GHR: variants seen among roughly 807,000 people sequenced by gnomAD.
The protein encoded by GHR is GH receptor.
In GHR, 35 loss-of-function variants were observed where a neutral mutation model predicts 67.1. The ratio of observed to expected loss-of-function variants is 0.52; its 90% confidence interval spans 0.40 to 0.69. GHR has a LOEUF of 0.69. Among genes scored for constraint, GHR ranks in the 30% least tolerant of loss-of-function variants. The pLI, the probability that GHR is intolerant of heterozygous loss-of-function variation, is 0.00. For missense variants in GHR, 792 were observed against 764.6 expected (o/e 1.04, Z -0.42); for synonymous variants, 272 against 269.1 (o/e 1.01, Z -0.10).
At chr5:42,531,848 G>A (rs1702045808) in intron 1 of GHR, among the ~76,000 whole-genome samples, 1 of 151,968 alleles carries the variant, frequency 6.6e-6, no homozygotes, top group African/African-American at 2.4e-5. Flanking sequence ...CCAAAGTCTT[G>A]GTTTATGTGT....
intron 2 of GHR, among the ~76,000 whole-genome samples, chr5:42,628,415 T>C (rs1753809257): frequency 7.4e-6 from 1 of 135,100 alleles, no homozygotes; most frequent in Admixed American, 7.1e-5. Flanking sequence ...CTTGAGAAAG[T>C]GTGCCCAAGG....
At chr5:42,466,916 GCAT>G in intron 1 of GHR, 1 of 1,513,378 alleles carries the variant, frequency 6.6e-7, no homozygotes, top group South Asian at 1.4e-5. Context: ...CTGTGGTGTC[GCAT>G]GAGGTGTGAG....
intron 1 of GHR, chr5:42,549,615 G>A (rs1158663192): frequency 5.3e-6 from 5 of 941,368 alleles, no homozygotes; most frequent in Non-Finnish European, 6.3e-6. Flanking sequence ...CAGGGCCAGA[G>A]GTGTGAATAG....
chr5:42,429,871 G>A (rs189367739), intron 1 of GHR, among the ~76,000 whole-genome samples: 3 of 152,302 alleles, frequency 2.0e-5, no homozygotes, highest in East Asian at 1.9e-4. Context: ...ACATGAGTCA[G>A]TACTAGCAAT....
chr5:42,617,985 T>A (rs1753251660), intron 2 of GHR, among the ~76,000 whole-genome samples: 1 of 152,118 alleles, frequency 6.6e-6, no homozygotes, highest in Non-Finnish European at 1.5e-5. Context: ...CTCATTTAAT[T>A]GTCCATTTTA....
chr5:42,616,271 A>G (rs1209822479), intron 2 of GHR, among the ~76,000 whole-genome samples: 1 of 152,080 alleles, frequency 6.6e-6, no homozygotes, highest in Non-Finnish European at 1.5e-5. Flanking sequence ...TGTTCGGGAA[A>G]AAGGTGCTGG....
At chr5:42,640,718 A>T (rs1169904710) in intron 3 of GHR, among the ~76,000 whole-genome samples, 1 of 152,068 alleles carries the variant, frequency 6.6e-6, no homozygotes, top group Non-Finnish European at 1.5e-5. Flanking sequence ...ATAAATATTC[A>T]GTGTTTCATA....
intron 2 of GHR, among the ~76,000 whole-genome samples, chr5:42,605,387 A>C (rs1000268846): frequency 6.6e-6 from 1 of 151,818 alleles, no homozygotes; most frequent in African/African-American, 2.4e-5. Context: ...ATTATAGATG[A>C]GAGCCACCGC....
At chr5:42,664,728 G>A (rs1755859231) in intron 3 of GHR, among the ~76,000 whole-genome samples, 1 of 152,126 alleles carries the variant, frequency 6.6e-6, no homozygotes, top group African/African-American at 2.4e-5. Flanking sequence ...GGCAACAAAA[G>A]CAAAAATTGA....
At chr5:42,608,767 C>T (rs73751222) in intron 2 of GHR, among the ~76,000 whole-genome samples, 3,895 of 152,148 alleles carry the variant, frequency 0.026, 65 homozygotes, top group African/African-American at 0.044. Context: ...CATGCTACCA[C>T]ATATTCTTTA....
intron 1 of GHR, among the ~76,000 whole-genome samples, chr5:42,464,130 A>G (rs563625173): frequency 2.1e-5 from 3 of 146,166 alleles, no homozygotes; most frequent in South Asian, 4.4e-4. Flanking sequence ...CAGTCTTCTG[A>G]CTTCTAATTT....
chr5:42,699,941 GA>G lies in GHR; in HGVS notation c.558del (p.Trp187GlyfsTer13). 1 of 1,601,174 alleles carries G rather than the reference GA, an allele frequency of 6.2e-7. No individual in the cohort carries two copies. Among genetic ancestry groups the G allele is most frequent in the Non-Finnish European group, 8.6e-7 (1 of 1,168,266 alleles). Reference protein sequence around the residue: ...EAPRNADIQKGWMVLEYELQY... With the variant: ...EAPRNADIQKXWMVLEYELQY... Reference sequence around the variant, plus strand: ...CCACGCAATGCAGATATTCAGAAAGGATGGATGGTTCTGGAGTATGAACTTC... The same window carrying G: ...CCACGCAATGCAGATATTCAGAAAGGTGGATGGTTCTGGAGTATGAACTTC... On this transcript the variant is annotated frameshift_variant, in exon 6 of 10. Coordinates refer to ENST00000230882, the MANE Select transcript of GHR (RefSeq NM_000163.5). LOFTEE classifies it high-confidence loss of function.
chr5:42,456,518 A>C (rs1744268226), intron 1 of GHR, among the ~76,000 whole-genome samples: 1 of 152,138 alleles, frequency 6.6e-6, no homozygotes, highest in Admixed American at 6.5e-5. Flanking sequence ...ATTTGTTACC[A>C]ACATAGAAAA....
At chr5:42,616,237 A>G (rs1289617837) in intron 2 of GHR, among the ~76,000 whole-genome samples, 1 of 152,084 alleles carries the variant, frequency 6.6e-6, no homozygotes, top group Non-Finnish European at 1.5e-5. Flanking sequence ...GGAAGTAGGA[A>G]GTCTAGTTAG....
At chr5:42,492,187 A>T (rs1746142998) in intron 1 of GHR, among the ~76,000 whole-genome samples, 1 of 152,176 alleles carries the variant, frequency 6.6e-6, no homozygotes. Context: ...TGCTTTTCAA[A>T]CTACTAGATT....
intron 2 of GHR, among the ~76,000 whole-genome samples, chr5:42,595,036 G>A (rs1020768627): frequency 4.6e-5 from 7 of 152,008 alleles, no homozygotes; most frequent in African/African-American, 1.7e-4. Flanking sequence ...TACAATCTAA[G>A]GCCCAACATA....
chr5:42,589,261 G>T (rs974149092), intron 2 of GHR, among the ~76,000 whole-genome samples: 1 of 152,092 alleles, frequency 6.6e-6, no homozygotes, highest in African/African-American at 2.4e-5. Context: ...ACCATTTATT[G>T]TTCCGTTTAT....
intron 2 of GHR, among the ~76,000 whole-genome samples, chr5:42,590,214 C>T (rs1289286157): frequency 6.6e-6 from 1 of 152,156 alleles, no homozygotes; most frequent in Admixed American, 6.6e-5. Flanking sequence ...TGAACACACA[C>T]TAAGCAGTTG....
intron 1 of GHR, chr5:42,549,707 G>C: frequency 1.0e-6 from 1 of 971,500 alleles, no homozygotes. Context: ...GGTAGGAAGA[G>C]GCCACATCAG....
Sources: allele counts gnomAD v4.1 joint callset (sites outside exome capture counted in the v4.1 genomes callset), GRCh38; gene constraint gnomAD v4.1.1; transcripts MANE v1.5; gene names NCBI Gene and HGNC (gene_info 2026-07-23, HGNC 2026-07-21).